The following RFX3 variants were observed in gnomAD, a reference collection of about 807,000 sequenced individuals.
RFX3 encodes the protein transcription factor RFX3.
Under a neutral mutation model 98.6 loss-of-function variants are expected in RFX3, and 14 were observed. The ratio of observed to expected loss-of-function variants is 0.14; its 90% CI spans 0.09 to 0.22. The LOEUF (loss-of-function observed/expected upper bound fraction) is 0.22. RFX3 is among the 10% of genes least tolerant of loss of function. The probability of loss-of-function intolerance (pLI) is 1.00; values close to 1 mark genes in which losing one functional copy is unlikely to be tolerated. For synonymous variants in RFX3, 383 were observed against 328.4 expected, an observed-to-expected ratio of 1.17 and a Z score of -1.80; for missense variants, 639 against 926.9, an observed-to-expected ratio of 0.69 and a Z score of 4.03.
At chr9:3,418,732 T>C (rs1463158011) in intron 1 of RFX3, among the ~76,000 whole-genome samples, 1 of 152,200 alleles carries the variant, frequency 6.6e-6, no homozygotes, top group Non-Finnish European at 1.5e-5. Context: ...TTAAATTAGG[T>C]AACATCAATT....
chr9:3,407,629 A>G (rs1052904192), intron 1 of RFX3, among the ~76,000 whole-genome samples: 1 of 152,130 alleles, frequency 6.6e-6, no homozygotes, highest in Admixed American at 6.6e-5. Flanking sequence ...GATGTTTAAC[A>G]CACCAACTAT....
In RFX3 at chr9:3,433,405, C is replaced by G. The variant is rs10814082; in HGVS notation, c.-8-37809G>C. 2.6e-5 allele frequency among the ~76,000 whole-genome samples: 4 copies of G among 152,100 alleles called. No homozygotes were observed. In the South Asian group the frequency reaches 6.2e-4, roughly 24 times the overall value. On this transcript the variant is annotated intron_variant, in intron 1 of 16. Coordinates refer to ENST00000617270, the MANE Select transcript of RFX3 (RefSeq NM_001282116.2). ...TAGTAAATATATTTTTTCTTCCTTA[C>G]GATTTTCTTGGTAGCATTTTCTTCT...
At chr9:3,494,047 C>T (rs139999771) in intron 1 of RFX3, among the ~76,000 whole-genome samples, 11 of 152,086 alleles carry the variant, frequency 7.2e-5, no homozygotes, top group African/African-American at 2.2e-4. Flanking sequence ...AAGCAGTCAA[C>T]AAGTAATTAA....
At chr9:3,491,170 A>G (rs1850690712) in intron 1 of RFX3, among the ~76,000 whole-genome samples, 1 of 152,166 alleles carries the variant, frequency 6.6e-6, no homozygotes, top group African/African-American at 2.4e-5. Flanking sequence ...GGCACAGCTG[A>G]GTATATATGA....
chr9:3,379,650 C>A (rs954229132), intron 2 of RFX3, among the ~76,000 whole-genome samples: 14 of 152,106 alleles, frequency 9.2e-5, no homozygotes, highest in African/African-American at 3.4e-4. Flanking sequence ...AAAATTTTAT[C>A]TAAATAAGCA....
At chr9:3,315,999 G>C (rs565527102) in intron 4 of RFX3, among the ~76,000 whole-genome samples, 3 of 152,260 alleles carry the variant, frequency 2.0e-5, no homozygotes, top group East Asian at 1.9e-4. Flanking sequence ...AATAGAAAAA[G>C]AGGGAATCCT....
At chr9:3,324,728 T>C (rs749033816) in intron 4 of RFX3, among the ~76,000 whole-genome samples, 2 of 151,992 alleles carry the variant, frequency 1.3e-5, no homozygotes, top group Non-Finnish European at 2.9e-5. Context: ...TTTGGGAGGC[T>C]GAGGCGGGCA....
At chr9:3,389,224 C>A (rs760062758) in intron 2 of RFX3, among the ~76,000 whole-genome samples, 39 of 152,052 alleles carry the variant, frequency 2.6e-4, no homozygotes, top group African/African-American at 9.2e-4. Context: ...TAACTCAGTT[C>A]TAGGACAAGC....
chr9:3,317,293 T>C (rs917487471), intron 4 of RFX3, among the ~76,000 whole-genome samples: 1 of 152,170 alleles, frequency 6.6e-6, no homozygotes, highest in Non-Finnish European at 1.5e-5. Context: ...TAATAAATGG[T>C]GCTGGGAAAA....
chr9:3,460,946 T>C (rs1348549962), intron 1 of RFX3, among the ~76,000 whole-genome samples: 2 of 151,886 alleles, frequency 1.3e-5, no homozygotes, highest in Non-Finnish European at 2.9e-5. Flanking sequence ...TACTCTAATG[T>C]ATTTAATGTT....
chr9:3,338,028 C>T (rs1411677990), intron 3 of RFX3, among the ~76,000 whole-genome samples: 3 of 151,996 alleles, frequency 2.0e-5, no homozygotes, highest in Admixed American at 1.3e-4. Context: ...ACTGAATATC[C>T]GAATATTCAT....
intron 1 of RFX3, among the ~76,000 whole-genome samples, chr9:3,420,565 G>C (rs1843359364): frequency 6.6e-6 from 1 of 152,124 alleles, no homozygotes; most frequent in East Asian, 1.9e-4. Context: ...ACTTGTCTAA[G>C]GTCATTTTAA....
At chr9:3,508,192 G>A (rs965705427) in intron 1 of RFX3, among the ~76,000 whole-genome samples, 8 of 151,842 alleles carry the variant, frequency 5.3e-5, no homozygotes, top group African/African-American at 9.7e-5. Context: ...TTAAGACCAC[G>A]TTCCATATTT....
intron 3 of RFX3, among the ~76,000 whole-genome samples, chr9:3,337,088 A>C (rs1833279139): frequency 6.6e-6 from 1 of 152,118 alleles, no homozygotes; most frequent in Admixed American, 6.5e-5. Flanking sequence ...TATGGGTAGG[A>C]GGAGGTAGGG....
chr9:3,436,672 G>A (rs912250011), intron 1 of RFX3, among the ~76,000 whole-genome samples: 5 of 152,018 alleles, frequency 3.3e-5, no homozygotes, highest in Non-Finnish European at 7.4e-5. Flanking sequence ...TCCTTCGCAT[G>A]AACTAATTGA....
rs936154365 is a variant in RFX3 at position 3,388,594 on chromosome 9, G to GA, written c.117+6877dup. On this transcript the variant is annotated intron_variant, in intron 2 of 16. Transcript: ENST00000617270. ...CTCTAGTCTATCTAGGCAATTTATA[G>GA]AAAAAAACAAATGTTCTTTCCTGAA... 1.4e-3 allele frequency among the ~76,000 whole-genome samples: 209 copies of GA among 151,942 alleles called. 1 individual carries two copies. The highest frequency in any genetic ancestry group is 4.9e-3 in the African/African-American group (203 of 41,478).
intron 9 of RFX3, among the ~76,000 whole-genome samples, chr9:3,274,006 C>T (rs1824877231): frequency 1.3e-5 from 2 of 152,064 alleles, no homozygotes; most frequent in Admixed American, 1.3e-4. Flanking sequence ...AAATAATTTT[C>T]TCTATATACA....
chr9:3,269,230 T>C (rs1171924851), intron 11 of RFX3, among the ~76,000 whole-genome samples: 1 of 152,040 alleles, frequency 6.6e-6, no homozygotes, highest in African/African-American at 2.4e-5. Context: ...TATGGAAATA[T>C]GTTTAAGCAT....
At chr9:3,238,396 G>C (rs926302280) in intron 15 of RFX3, among the ~76,000 whole-genome samples, 4 of 152,176 alleles carry the variant, frequency 2.6e-5, no homozygotes, top group African/African-American at 7.2e-5. Context: ...GGGCTGGCCT[G>C]AGAAGGGATG....
Sources: allele counts gnomAD v4.1 joint callset (sites outside exome capture counted in the v4.1 genomes callset), GRCh38; gene constraint gnomAD v4.1.1; transcripts MANE v1.5; gene names NCBI Gene and HGNC (gene_info 2026-07-23, HGNC 2026-07-21).